Variants in PUDP observed in about 807,000 individuals in gnomAD.
PUDP encodes pseudouridine 5'-phosphatase, also known as pseudouridine-5'-phosphatase.
PUDP carries 8 observed loss-of-function variants against 9.4 expected under a neutral mutation model. The observed-to-expected ratio is 0.85, with a 90% CI of 0.50 to 1.53. PUDP has a LOEUF of 1.53. Among genes scored for constraint, PUDP ranks in the 40% most tolerant of loss-of-function variants. The pLI is 0.00. For synonymous variants in PUDP, 99 were observed against 80.7 expected, an observed-to-expected ratio of 1.23 and a Z score of -1.22; for missense variants, 188 against 189.7, an observed-to-expected ratio of 0.99 and a Z score of 0.05.
intron 3 of PUDP, among the ~76,000 whole-genome samples, chrX:7,060,157 A>C (rs1044574532): frequency 8.0e-5 from 9 of 111,812 alleles, no homozygotes; most frequent in Non-Finnish European, 1.7e-4. Context: ...CTACAAAGCC[A>C]ATGCCCTTCA....
At chrX:7,065,572 C>T (rs1930526797) in intron 3 of PUDP, among the ~76,000 whole-genome samples, 2 of 112,288 alleles carry the variant, frequency 1.8e-5, no homozygotes, top group Non-Finnish European at 3.7e-5. Flanking sequence ...AATCCCCAAA[C>T]ATAACGAGGC....
chrX:7,142,049 A>G (rs1932800743), intron 1 of PUDP, among the ~76,000 whole-genome samples: 1 of 112,372 alleles, frequency 8.9e-6, no homozygotes, highest in Non-Finnish European at 1.9e-5. Context: ...GGAGATGTAC[A>G]AGGAGATTCG....
intron 1 of PUDP, chrX:7,116,829 C>T (rs1290510113): frequency 1.0e-5 from 10 of 988,266 alleles, no homozygotes; most frequent in Non-Finnish European, 1.1e-5. Context: ...TTCGCTTGGG[C>T]CATCCTCCAC....
At chrX:7,134,930 C>A (rs377304665) in intron 1 of PUDP, among the ~76,000 whole-genome samples, 10 of 112,170 alleles carry the variant, frequency 8.9e-5, no homozygotes, top group African/African-American at 2.9e-4. Context: ...AATAATTTTC[C>A]TTTTAAAAAG....
At position 7,148,034 on chromosome X, in the gene PUDP, G is replaced by A; in HGVS notation, c.61+19C>T. The stretch of plus-strand genomic sequence containing the variant: ...CACAAGACCGCCCTTACTGGAGGCG[G>A]CGGCTGCACACTACCCACCCAGAAG... On this transcript the variant is annotated intron_variant, in intron 1 of 3. Coordinates refer to ENST00000381077, the MANE Select transcript of PUDP (RefSeq NM_012080.5). 1 of 1,127,937 alleles carries A rather than the reference G, an allele frequency of 8.9e-7. No homozygotes were observed. Among genetic ancestry groups the A allele is most frequent in the Non-Finnish European group, 1.2e-6 (1 of 848,626 alleles). The allele number at this position is 1,127,937 out of a possible 1,213,427, so 93.0% of individuals were successfully genotyped here. A position where few individuals can be genotyped will look rare whatever the true frequency, so the allele number is the denominator to read the frequency against.
At chrX:7,127,251 G>A (rs1166246871) in intron 1 of PUDP, among the ~76,000 whole-genome samples, 1 of 112,071 alleles carries the variant, frequency 8.9e-6, no homozygotes. Context: ...AATTACCAGG[G>A]AAGGACAGCT....
chrX:7,129,949 C>T (rs1305552427), intron 1 of PUDP, among the ~76,000 whole-genome samples: 1 of 111,665 alleles, frequency 9.0e-6, no homozygotes, highest in African/African-American at 3.3e-5. Flanking sequence ...CACGGAGCAC[C>T]GCCCAACAAA....
intron 3 of PUDP, among the ~76,000 whole-genome samples, chrX:7,052,681 G>A (rs944900954): frequency 8.9e-6 from 1 of 112,023 alleles, no homozygotes; most frequent in African/African-American, 3.3e-5. Context: ...TAATCCATGT[G>A]ACAATGGAAT....
intron 3 of PUDP, among the ~76,000 whole-genome samples, chrX:6,829,978 ATAATCTAG>A (rs1926480419): frequency 9.0e-6 from 1 of 110,580 alleles, no homozygotes; most frequent in Admixed American, 9.7e-5. Flanking sequence ...TAATTGAAAA[ATAATCTAG>A]TAATGGGATA....
intron 3 of PUDP, among the ~76,000 whole-genome samples, chrX:7,052,971 C>T: frequency 8.9e-6 from 1 of 112,448 alleles, no homozygotes; most frequent in Non-Finnish European, 1.9e-5. Flanking sequence ...TCAGTGACTA[C>T]CTGTTCATGA....
At chrX:7,025,934 A>G (rs1363993013) in intron 1 of PUDP, among the ~76,000 whole-genome samples, 9 of 112,219 alleles carry the variant, frequency 8.0e-5, no homozygotes, top group Non-Finnish European at 1.7e-4. Flanking sequence ...TCTGCAGGGT[A>G]GGGGACATAT....
chrX:7,129,199 C>T (rs948608676), intron 1 of PUDP, among the ~76,000 whole-genome samples: 3 of 112,170 alleles, frequency 2.7e-5, no homozygotes, highest in African/African-American at 6.5e-5. Context: ...CATTTAATAA[C>T]ATTTAAAGAT....
intron 3 of PUDP, among the ~76,000 whole-genome samples, chrX:6,736,775 C>A (rs750164327): frequency 5.9e-4 from 66 of 111,286 alleles, no homozygotes; most frequent in African/African-American, 2.1e-3. Flanking sequence ...ACTGTACATT[C>A]TCAGTTATAA....
At chrX:6,761,069 T>C (rs7054288) in intron 3 of PUDP, among the ~76,000 whole-genome samples, 2,945 of 111,627 alleles carry the variant, frequency 0.026, 83 homozygotes, top group African/African-American at 0.089. Flanking sequence ...CCCAGTTCCT[T>C]CATCTCAAGA....
rs1281259515 is a variant in PUDP, at chrX:6,855,521, C to T, written c.*247+121612G>A. Among the ~76,000 whole-genome samples the T allele has an allele frequency of 8.1e-5, 9 of 111,744 alleles. No individual in the cohort carries two copies. In the Admixed American group the frequency reaches 8.6e-4, roughly 11 times the overall value. ...AGATGTTTATCCATGCTATGTCCTA[C>T]AAGCCCCCAATCCCCATTAGATACT... On this transcript the variant is annotated intron_variant and NMD_transcript_variant, in intron 3 of 3. Transcript: ENST00000655425.
rs1467515337 is a variant in PUDP, at chrX:7,049,455, GGTT to G, written c.*838_*840del. On this transcript the variant is annotated 3_prime_UTR_variant, in exon 4 of 4. Coordinates refer to ENST00000381077, the MANE Select transcript of PUDP (RefSeq NM_012080.5). ...ATCAGTGTTCTTAAAGGAGGCAAAT[GGTT>G]GTTGTGAGGTAGCAAACATTTTCCA... 3 of 112,604 alleles carry G rather than the reference GGTT, an allele frequency of 2.7e-5. No individual in the cohort carries two copies. Among genetic ancestry groups the G allele is most frequent in the Non-Finnish European group, 5.6e-5 (3 of 53,288 alleles). The allele number at this position is 112,604 out of a possible 1,213,427, so 9.3% of individuals were successfully genotyped here. A position where few individuals can be genotyped will look rare whatever the true frequency, so the allele number is the denominator to read the frequency against.
At chrX:7,048,435 T>C (rs1203175180), downstream of PUDP, among the ~76,000 whole-genome samples, 1 of 112,572 alleles carries the variant, frequency 8.9e-6, no homozygotes, top group Non-Finnish European at 1.9e-5. Context: ...ATCACTAAAA[T>C]GTATTGAAGC....
At chrX:6,745,209 G>C (rs903941056) in intron 3 of PUDP, among the ~76,000 whole-genome samples, 1 of 111,646 alleles carries the variant, frequency 9.0e-6, no homozygotes, top group Non-Finnish European at 1.9e-5. Flanking sequence ...ATGCAGCTGC[G>C]CACTAACTGA....
chrX:6,828,678 C>G (rs1039837218), intron 3 of PUDP, among the ~76,000 whole-genome samples: 3 of 111,000 alleles, frequency 2.7e-5, no homozygotes, highest in Non-Finnish European at 5.7e-5. Flanking sequence ...GATTCACTGC[C>G]CTAAACATCC....
Sources: allele counts gnomAD v4.1 joint callset (sites outside exome capture counted in the v4.1 genomes callset), GRCh38; gene constraint gnomAD v4.1.1; transcripts MANE v1.5; gene names NCBI Gene and HGNC (gene_info 2026-07-23, HGNC 2026-07-21).